PLCH1: variants seen among roughly 807,000 people sequenced by gnomAD.
The protein encoded by PLCH1 is phospholipase C eta 1.
PLCH1 carries 60 observed loss-of-function variants against 126.7 expected under a neutral mutation model. The observed-to-expected ratio is 0.47, with a 90% CI of 0.38 to 0.59. PLCH1 has a LOEUF of 0.59. Among genes scored for constraint, PLCH1 ranks in the 20% least tolerant of loss-of-function variants. The probability of loss-of-function intolerance (pLI) is 0.00; values close to 1 mark genes in which losing one functional copy is unlikely to be tolerated. For missense variants in PLCH1, 1,723 were observed against 2,040.0 expected (o/e 0.84, Z 2.99); for synonymous variants, 719 against 734.9 (o/e 0.98, Z 0.35).
chr3:155,717,999 CT>C (rs1747659117), intron 1 of PLCH1, among the ~76,000 whole-genome samples: 1 of 152,200 alleles, frequency 6.6e-6, no homozygotes, highest in Non-Finnish European at 1.5e-5. Flanking sequence ...TTTGCTCCCA[CT>C]TCTGAGCATA....
chr3:155,696,800 A>G (rs1046596923), intron 2 of PLCH1, among the ~76,000 whole-genome samples: 1 of 152,246 alleles, frequency 6.6e-6, no homozygotes, highest in Non-Finnish European at 1.5e-5. Context: ...AAAACAATCA[A>G]GGGCCTTTCT....
chr3:155,643,454 G>C (rs538872350), intron 2 of PLCH1, among the ~76,000 whole-genome samples: 80 of 152,274 alleles, frequency 5.3e-4, no homozygotes, highest in East Asian at 5.0e-3. Context: ...CCTAACCCAA[G>C]CATTCTGAAT....
At chr3:155,575,565 A>G (rs538279103) in intron 6 of PLCH1, among the ~76,000 whole-genome samples, 1 of 152,250 alleles carries the variant, frequency 6.6e-6, no homozygotes, top group Non-Finnish European at 1.5e-5. Context: ...AACTATCCAC[A>G]TGCATATTTC....
intron 2 of PLCH1, among the ~76,000 whole-genome samples, chr3:155,617,818 C>T (rs1037976232): frequency 2.0e-5 from 3 of 152,154 alleles, no homozygotes; most frequent in African/African-American, 7.2e-5. Flanking sequence ...CTTCTCTACC[C>T]AGTCCCTGTA....
intron 18 of PLCH1, among the ~76,000 whole-genome samples, chr3:155,492,187 G>A (rs970221646): frequency 4.6e-5 from 7 of 150,922 alleles, no homozygotes; most frequent in South Asian, 2.1e-4. Context: ...GCTATATAGC[G>A]AGAAAACAGA....
intron 21 of PLCH1, among the ~76,000 whole-genome samples, chr3:155,462,334 C>A (rs560155077): frequency 6.6e-6 from 1 of 152,090 alleles, no homozygotes; most frequent in South Asian, 2.1e-4. Flanking sequence ...AAACAACTGA[C>A]GGTTGACATC....
At chr3:155,684,099 T>G (rs756472718) in intron 2 of PLCH1, among the ~76,000 whole-genome samples, 2 of 152,228 alleles carry the variant, frequency 1.3e-5, no homozygotes, top group African/African-American at 2.4e-5. Context: ...AGGCATGGCT[T>G]GACTTACAGC....
chr3:155,451,893 C>T (rs535722833), intron 21 of PLCH1, among the ~76,000 whole-genome samples: 82 of 152,236 alleles, frequency 5.4e-4, no homozygotes, highest in African/African-American at 1.9e-3. Context: ...GCTTCTCAGG[C>T]CTTCCTACTC....
intron 10 of PLCH1, 59 bp from the exon 11 acceptor site, chr3:155,524,063 G>T (rs1721575165): frequency 2.0e-6 from 2 of 1,010,316 alleles, no homozygotes; most frequent in East Asian, 2.4e-5. Context: ...TAGCCAAAAG[G>T]TGGAAGTAAC....
At position 155,651,286 on chromosome 3, in the gene PLCH1, G is replaced by A. The variant is rs944745576; in HGVS notation, c.79+52860C>T. On this transcript the variant is annotated intron_variant, in intron 2 of 22. Coordinates refer to ENST00000460012, the MANE Select transcript of PLCH1 (RefSeq NM_014996.4). ...AATGCCTGTTATAGCATTATTTGTA[G>A]AGCAAAAAACTTAAATGTCCATCAG... 1.4e-3 allele frequency among the ~76,000 whole-genome samples: 206 copies of A among 152,296 alleles called. 1 individual carries two copies. Among genetic ancestry groups the A allele is most frequent in the African/African-American group, 4.8e-3 (198 of 41,566 alleles).
At chr3:155,528,856 G>C (rs1722300881) in intron 10 of PLCH1, among the ~76,000 whole-genome samples, 1 of 152,168 alleles carries the variant, frequency 6.6e-6, no homozygotes, top group Admixed American at 6.5e-5. Context: ...GCCTCTCAGA[G>C]TATTCATAAG....
At chr3:155,564,529 C>CACTCCATCCTGGTGACAGAGCGAG (rs1217085653) in intron 8 of PLCH1, among the ~76,000 whole-genome samples, 28 of 152,172 alleles carry the variant, frequency 1.8e-4, no homozygotes, top group Admixed American at 7.2e-4. Context: ...CGTGCCACTA[C>CACTCCATCCTGGTGACAGAGCGAG]ACTCCATCCT....
At chr3:155,458,524 G>A (rs1190602662) in intron 21 of PLCH1, among the ~76,000 whole-genome samples, 8 of 121,650 alleles carry the variant, frequency 6.6e-5, no homozygotes, top group African/African-American at 2.5e-4. Context: ...AAATAAGAAA[G>A]AGAAAGAAAG....
At chr3:155,657,303 T>C (rs1270662639) in intron 2 of PLCH1, among the ~76,000 whole-genome samples, 1 of 152,112 alleles carries the variant, frequency 6.6e-6, no homozygotes. Context: ...TGGAGAGATT[T>C]TCCAGACTAT....
chr3:155,593,579 G>A (rs945444279), intron 4 of PLCH1, among the ~76,000 whole-genome samples: 2 of 152,182 alleles, frequency 1.3e-5, no homozygotes, highest in African/African-American at 4.8e-5. Context: ...CCAAATCAGT[G>A]TTTTCCCAGT....
chr3:155,466,484 C>G (rs1016243035), intron 21 of PLCH1, among the ~76,000 whole-genome samples: 1 of 152,174 alleles, frequency 6.6e-6, no homozygotes, highest in African/African-American at 2.4e-5. Flanking sequence ...CACTCAAATT[C>G]TTTCAAATAC....
intron 6 of PLCH1, among the ~76,000 whole-genome samples, chr3:155,573,763 G>T (rs1231826808): frequency 6.6e-6 from 1 of 152,162 alleles, no homozygotes; most frequent in Non-Finnish European, 1.5e-5. Context: ...CAGGAAAATA[G>T]AATTCAATTC....
At chr3:155,662,750 C>T (rs1306868958) in intron 2 of PLCH1, among the ~76,000 whole-genome samples, 2 of 152,084 alleles carry the variant, frequency 1.3e-5, no homozygotes, top group Non-Finnish European at 2.9e-5. Flanking sequence ...CTGCAACCTC[C>T]ACCTCCCAGG....
At chr3:155,501,837 C>T (rs1717948717) in intron 13 of PLCH1, among the ~76,000 whole-genome samples, 1 of 152,012 alleles carries the variant, frequency 6.6e-6, no homozygotes, top group South Asian at 2.1e-4. Context: ...GGAAGGACCA[C>T]CCCAATAATT....
Sources: gnomAD v4.1 joint callset for allele counts (sites outside exome capture counted in the v4.1 genomes callset) on GRCh38, gnomAD v4.1.1 for gene constraint, MANE v1.5 for transcripts, NCBI Gene and HGNC (gene_info 2026-07-23, HGNC 2026-07-21) for gene names.